FBXW7: variants seen among roughly 807,000 people sequenced by gnomAD.
FBXW7 encodes F-box and WD repeat domain containing 7, also known as F-box/WD repeat-containing protein 7.
Under a neutral mutation model 86.3 loss-of-function variants are expected in FBXW7, and 11 were observed. The observed-to-expected ratio is 0.13, with a 90% CI of 0.08 to 0.21. The LOEUF is 0.21. Ranked by LOEUF, FBXW7 falls within the 10% of genes least tolerant of loss-of-function variation. FBXW7 has a pLI of 1.00. For synonymous variants in FBXW7, 313 were observed against 297.9 expected, an observed-to-expected ratio of 1.05 and a Z score of -0.52; for missense variants, 488 against 847.4, an observed-to-expected ratio of 0.58 and a Z score of 5.27.
At chr4:152,522,931 T>C (rs1373384635) in intron 2 of FBXW7, among the ~76,000 whole-genome samples, 3 of 152,250 alleles carry the variant, frequency 2.0e-5, no homozygotes, top group South Asian at 2.1e-4. Context: ...CTAATCACTG[T>C]TGAGCTCTAC....
intron 6 of FBXW7, among the ~76,000 whole-genome samples, chr4:152,341,440 A>C (rs1056847521): frequency 6.6e-6 from 1 of 152,178 alleles, no homozygotes; most frequent in African/African-American, 2.4e-5. Flanking sequence ...AACCAGTTCC[A>C]AACTCATCCA....
At chr4:152,363,692 G>A (rs1406263371) in intron 4 of FBXW7, among the ~76,000 whole-genome samples, 1 of 152,136 alleles carries the variant, frequency 6.6e-6, no homozygotes, top group African/African-American at 2.4e-5. Flanking sequence ...TGTATACAGG[G>A]AAGGAAACTC....
intron 2 of FBXW7, among the ~76,000 whole-genome samples, chr4:152,507,481 A>G (rs17028944): frequency 0.018 from 2,806 of 152,324 alleles, 159 homozygotes; most frequent in East Asian, 0.17. Context: ...TCAGTGCAAA[A>G]TGAATCTGCT....
intron 4 of FBXW7, among the ~76,000 whole-genome samples, chr4:152,389,020 C>G (rs1403826937): frequency 1.3e-5 from 2 of 151,802 alleles, no homozygotes; most frequent in Admixed American, 1.3e-4. Context: ...TTTTTCATGC[C>G]TACAAGCATG....
chr4:152,483,682 A>T (rs768783993), intron 2 of FBXW7, among the ~76,000 whole-genome samples: 8 of 152,112 alleles, frequency 5.3e-5, no homozygotes, highest in Middle Eastern at 3.2e-3. Flanking sequence ...TGGGCAACAA[A>T]GTGAGACCCT....
chr4:152,499,611 C>A (rs945522172), intron 2 of FBXW7, among the ~76,000 whole-genome samples: 1 of 152,182 alleles, frequency 6.6e-6, no homozygotes, highest in Middle Eastern at 3.4e-3. Flanking sequence ...CGGTGATATC[C>A]CCCTCCTTCC....
intron 2 of FBXW7, among the ~76,000 whole-genome samples, chr4:152,486,051 G>A (rs1470274207): frequency 2.0e-5 from 3 of 152,108 alleles, no homozygotes; most frequent in Non-Finnish European, 2.9e-5. Flanking sequence ...ATACTGCCTG[G>A]TAACTGTAAC....
intron 4 of FBXW7, among the ~76,000 whole-genome samples, chr4:152,391,324 C>CA (rs149926359): frequency 0.016 from 2,375 of 151,966 alleles, 70 homozygotes; most frequent in African/African-American, 0.054. Flanking sequence ...ATTACATACT[C>CA]AAAAAAATAA....
chr4:152,400,843 T>C (rs1291299300), intron 4 of FBXW7, among the ~76,000 whole-genome samples: 2 of 152,152 alleles, frequency 1.3e-5, no homozygotes, highest in Non-Finnish European at 2.9e-5. Flanking sequence ...ATCCAAAATA[T>C]ACAACAGTAA....
intron 2 of FBXW7, among the ~76,000 whole-genome samples, chr4:152,505,294 T>C (rs944853029): frequency 1.3e-5 from 2 of 152,202 alleles, no homozygotes; most frequent in Admixed American, 6.5e-5. Context: ...TATTGTATAC[T>C]ACCATACACT....
At chr4:152,412,003 A>G (rs34516881) in intron 3 of FBXW7, 131 bp from the exon 4 acceptor site, 9,124 of 810,526 alleles carry the variant, frequency 0.011, 60 homozygotes, top group Middle Eastern at 0.023. Flanking sequence ...AGGCATTAAA[A>G]TGTTCTTTAG....
rs148112713 is a variant in FBXW7, at chr4:152,420,111, T to C, written c.-119-7582A>G. On this transcript the variant is annotated intron_variant, in intron 2 of 13. Transcript: ENST00000281708. ...ATCCTCCCAAACCACCGCTGCTTTA[T>C]CAATTTGTCAACTAATTTTATGTAA... 9.2e-4 allele frequency among the ~76,000 whole-genome samples: 140 copies of C among 152,350 alleles called. 1 individual carries two copies. The highest frequency in any genetic ancestry group is 3.2e-3 in the African/African-American group (134 of 41,590).
chr4:152,352,938 C>T (rs1731992002), intron 4 of FBXW7: 1 of 1,408,720 alleles, frequency 7.1e-7, no homozygotes, highest in Non-Finnish European at 9.2e-7. Flanking sequence ...ATATGGTGAT[C>T]CGCTCCAGGG....
chr4:152,446,151 T>C (rs1741371260), intron 2 of FBXW7, among the ~76,000 whole-genome samples: 1 of 152,168 alleles, frequency 6.6e-6, no homozygotes. Context: ...AATGACATTA[T>C]CTTTGTTAGA....
chr4:152,520,357 C>T (rs1748899181), intron 2 of FBXW7, among the ~76,000 whole-genome samples: 1 of 149,558 alleles, frequency 6.7e-6, no homozygotes, highest in African/African-American at 2.5e-5. Flanking sequence ...GGCGTGAACC[C>T]GGGAAGCGGA....
intron 2 of FBXW7, among the ~76,000 whole-genome samples, chr4:152,436,319 A>G (rs1398039295): frequency 3.9e-5 from 6 of 152,258 alleles, no homozygotes. Flanking sequence ...CTTTATCCAG[A>G]GCAAGGCCCT....
At chr4:152,367,163 A>C (rs1223399203) in intron 4 of FBXW7, among the ~76,000 whole-genome samples, 1 of 152,104 alleles carries the variant, frequency 6.6e-6, no homozygotes, top group Non-Finnish European at 1.5e-5. Flanking sequence ...CATTAGGAGA[A>C]ATATCTAATG....
chr4:152,440,714 G>C (rs1276454303), intron 2 of FBXW7, among the ~76,000 whole-genome samples: 2 of 151,966 alleles, frequency 1.3e-5, no homozygotes, highest in Non-Finnish European at 2.9e-5. Flanking sequence ...GGGAGAAAAT[G>C]GTACCTTGCA....
intron 2 of FBXW7, among the ~76,000 whole-genome samples, chr4:152,471,110 T>C (rs897966242): frequency 1.3e-5 from 2 of 151,894 alleles, no homozygotes; most frequent in Non-Finnish European, 2.9e-5. Flanking sequence ...GCCACATCAA[T>C]AGATTTTCTA....
Sources: allele counts gnomAD v4.1 joint callset (sites outside exome capture counted in the v4.1 genomes callset), GRCh38; gene constraint gnomAD v4.1.1; transcripts MANE v1.5; gene names NCBI Gene and HGNC (gene_info 2026-07-23, HGNC 2026-07-21).